Variants in RASAL2 observed in about 807,000 individuals in gnomAD.
The protein encoded by RASAL2 is RAS protein activator like 2, also known as ras GTPase-activating protein nGAP.
A neutral mutation model predicts 128.9 loss-of-function variants in RASAL2; 58 were observed. The ratio of observed to expected loss-of-function variants is 0.45; its 90% CI spans 0.36 to 0.56. RASAL2 has a LOEUF of 0.56. RASAL2 is among the 20% of genes least tolerant of loss of function. The pLI is 0.00. For missense variants in RASAL2, 1,360 were observed against 1,601.6 expected, an observed-to-expected ratio of 0.85 and a Z score of 2.57; for synonymous variants, 561 against 580.8, an observed-to-expected ratio of 0.97 and a Z score of 0.49.
At chr1:178,269,645 C>T (rs1484762500) in intron 1 of RASAL2, among the ~76,000 whole-genome samples, 1 of 152,140 alleles carries the variant, frequency 6.6e-6, no homozygotes, top group East Asian at 1.9e-4. Context: ...CTCCCACCAG[C>T]GCCATGACAG....
chr1:178,318,042 C>T (rs1286984061), intron 3 of RASAL2, among the ~76,000 whole-genome samples: 2 of 151,068 alleles, frequency 1.3e-5, no homozygotes, highest in African/African-American at 2.4e-5. Flanking sequence ...GCCTTCATTT[C>T]GTTATGTACC....
chr1:178,327,191 T>C (rs10913534), intron 3 of RASAL2, among the ~76,000 whole-genome samples: 5,910 of 152,230 alleles, frequency 0.039, 374 homozygotes, highest in African/African-American at 0.13. Context: ...CTTAAGTAGC[T>C]TTTTAAAACT....
intron 1 of RASAL2, among the ~76,000 whole-genome samples, chr1:178,183,247 G>A (rs192332734): frequency 2.6e-5 from 4 of 152,304 alleles, no homozygotes; most frequent in Admixed American, 2.0e-4. Flanking sequence ...CAGTAAGATT[G>A]TTTCACACCA....
intron 1 of RASAL2, among the ~76,000 whole-genome samples, chr1:178,280,066 C>G (rs1377256732): frequency 6.6e-6 from 1 of 152,066 alleles, no homozygotes; most frequent in Non-Finnish European, 1.5e-5. Context: ...ACGAAAAGTT[C>G]ATTGATTTGG....
chr1:178,296,435 T>C (rs563158606), intron 2 of RASAL2, among the ~76,000 whole-genome samples: 1 of 152,240 alleles, frequency 6.6e-6, no homozygotes, highest in Admixed American at 6.5e-5. Context: ...TCATAGCTCA[T>C]GGCAGCCTTA....
In RASAL2 at chr1:178,474,051, T is replaced by G. The variant is rs944350065; in HGVS notation, c.*812T>G. 1.4e-4 allele frequency: 21 copies of G among 152,562 alleles called. No homozygotes were observed. Among genetic ancestry groups the G allele is most frequent in the African/African-American group, 4.8e-4 (20 of 41,458 alleles). 9.5% of individuals were successfully genotyped at this position (152,562 alleles called of 1,614,324 possible). A position where few individuals can be genotyped will look rare whatever the true frequency, so the allele number is the denominator to read the frequency against. ...GGTGTTCTTTTTCCTCTTTAGAGTTTACAAAACTATAAATATTTGTGTCTC... is the reference window on the plus strand; with the variant it reads ...GGTGTTCTTTTTCCTCTTTAGAGTTGACAAAACTATAAATATTTGTGTCTC... On this transcript the variant is annotated 3_prime_UTR_variant, in exon 18 of 18. Transcript: ENST00000367649.
chr1:178,165,206 T>C (rs1661480339), intron 1 of RASAL2, among the ~76,000 whole-genome samples: 2 of 152,066 alleles, frequency 1.3e-5, no homozygotes, highest in Admixed American at 6.6e-5. Flanking sequence ...TATGTGTGTG[T>C]GTATCTATAG....
In RASAL2 at chr1:178,270,940, A is replaced by G. The variant is rs1350662052; in HGVS notation, c.203-12624A>G. 2.6e-5 allele frequency among the ~76,000 whole-genome samples: 4 copies of G among 152,092 alleles called. No individual in the cohort carries two copies. The East Asian group carries it at 7.7e-4, about 29-fold the overall frequency. ...TGAGAGTCAAATGGGAGTTGAAGAGACCTTTGGGGGAAGCTCATGTCTTAA... is the reference window on the plus strand; with the variant it reads ...TGAGAGTCAAATGGGAGTTGAAGAGGCCTTTGGGGGAAGCTCATGTCTTAA... On this transcript the variant is annotated intron_variant, in intron 1 of 17. Transcript: ENST00000367649.
intron 3 of RASAL2, among the ~76,000 whole-genome samples, chr1:178,383,145 G>A (rs1294685681): frequency 6.6e-6 from 1 of 152,134 alleles, no homozygotes; most frequent in Non-Finnish European, 1.5e-5. Flanking sequence ...GGGGAGACTG[G>A]ATGGCTTTAC....
At chr1:178,344,440 A>T (rs1433069030) in intron 3 of RASAL2, among the ~76,000 whole-genome samples, 1 of 152,164 alleles carries the variant, frequency 6.6e-6, no homozygotes, top group Non-Finnish European at 1.5e-5. Flanking sequence ...AATTGTTCTG[A>T]GATGTCAAAT....
chr1:178,323,867 A>G (rs989627761), intron 3 of RASAL2, among the ~76,000 whole-genome samples: 1 of 152,242 alleles, frequency 6.6e-6, no homozygotes, highest in Non-Finnish European at 1.5e-5. Context: ...GAGATTAATT[A>G]GTATATAAAA....
At chr1:178,339,812 T>C (rs1380761693) in intron 3 of RASAL2, among the ~76,000 whole-genome samples, 2 of 152,198 alleles carry the variant, frequency 1.3e-5, no homozygotes, top group South Asian at 2.1e-4. Context: ...GGTTGAACTG[T>C]ATAAAAATGC....
At chr1:178,412,858 C>G (rs549551997) in intron 4 of RASAL2, among the ~76,000 whole-genome samples, 1 of 152,208 alleles carries the variant, frequency 6.6e-6, no homozygotes, top group South Asian at 2.1e-4. Flanking sequence ...TAGAGTCCTA[C>G]CAGGTTCTCA....
intron 12 of RASAL2, 60 bp downstream of exon 12, chr1:178,454,708 A>G (rs1677642003): frequency 2.1e-6 from 3 of 1,427,308 alleles, no homozygotes; most frequent in East Asian, 2.3e-5. Context: ...GAAAGTAACT[A>G]TAGAGTGATA....
At chr1:178,456,678 G>A (rs756581038) in intron 12 of RASAL2, 43 bp from the exon 13 acceptor site, 17 of 1,604,628 alleles carry the variant, frequency 1.1e-5, no homozygotes, top group East Asian at 2.2e-5. Context: ...GGTGGATGTC[G>A]CAATGCTTAT....
chr1:178,283,456 G>A, intron 1 of RASAL2, 108 bp from the exon 2 acceptor site: 1 of 1,360,768 alleles, frequency 7.3e-7, no homozygotes, highest in Admixed American at 2.1e-5. Flanking sequence ...TGAGATTCGT[G>A]TTTAGGCTCA....
chr1:178,314,825 C>T (rs534714492), intron 3 of RASAL2, among the ~76,000 whole-genome samples: 1 of 151,864 alleles, frequency 6.6e-6, no homozygotes, highest in South Asian at 2.1e-4. Context: ...TTTTAGGGTA[C>T]ATGTGCACAT....
intron 3 of RASAL2, among the ~76,000 whole-genome samples, chr1:178,333,731 A>G (rs750641617): frequency 6.6e-6 from 1 of 152,254 alleles, no homozygotes; most frequent in Non-Finnish European, 1.5e-5. Flanking sequence ...GTGTATAATC[A>G]TAATAGTAAA....
chr1:178,470,728 G>C, intron 17 of RASAL2: 1 of 1,365,708 alleles, frequency 7.3e-7, no homozygotes, highest in Non-Finnish European at 9.8e-7. Flanking sequence ...AAACAGGCAA[G>C]TAAACCCCGC....
Sources: allele counts gnomAD v4.1 joint callset (sites outside exome capture counted in the v4.1 genomes callset), GRCh38; gene constraint gnomAD v4.1.1; transcripts MANE v1.5; gene names NCBI Gene and HGNC (gene_info 2026-07-23, HGNC 2026-07-21).